The following TENM3 variants were observed in gnomAD, a reference collection of about 807,000 sequenced individuals.
TENM3 encodes teneurin-3.
In TENM3, 63 loss-of-function variants were observed where a neutral mutation model predicts 255.1. That is an observed-to-expected ratio of 0.25 (90% CI 0.20 to 0.30). TENM3 has a LOEUF of 0.30. Among genes scored for constraint, TENM3 ranks in the 10% least tolerant of loss-of-function variants. The pLI is 1.00. For synonymous variants in TENM3, 1,306 were observed against 1,322.3 expected (o/e 0.99, Z 0.27); for missense variants, 2,929 against 3,461.1 (o/e 0.85, Z 3.86).
the TENM3 span, among the ~76,000 whole-genome samples, chr4:182,104,134 A>G: frequency 6.6e-6 from 1 of 152,116 alleles, no homozygotes; most frequent in Non-Finnish European, 1.5e-5. Context: ...ACCAATTTCA[A>G]CCTGCCAAGG....
intron 5 of TENM3, among the ~76,000 whole-genome samples, chr4:182,648,700 C>G (rs1752981560): frequency 6.6e-6 from 1 of 152,196 alleles, no homozygotes; most frequent in Admixed American, 6.5e-5. Flanking sequence ...CCAGAAACCT[C>G]TAGGGACTAT....
the TENM3 span, among the ~76,000 whole-genome samples, chr4:181,690,066 A>G: frequency 4.3e-4 from 65 of 152,280 alleles, no homozygotes. Flanking sequence ...TGTGATTCCC[A>G]GGCACCCAAT....
In TENM3 at chr4:182,346,798, C is replaced by T; in HGVS notation, c.380C>T (p.Ser127Phe). 1 of 1,613,466 alleles carries T rather than the reference C, an allele frequency of 6.2e-7. No homozygotes were observed. The highest frequency in any genetic ancestry group is 8.5e-7 in the Non-Finnish European group (1 of 1,179,692). The stretch of plus-strand genomic sequence containing the variant: ...GATACTGAAAATGAAGCAGTGATGT[C>T]CCCAGAGCATGCCATGAGACTTTGG... ...DADTENEAVM[S>F]PEHAMRLWGR... The change falls in exon 3 of 28, where the codon TCC (serine) becomes TTC (phenylalanine). Residue 127 changes from serine to phenylalanine, a missense_variant. Physicochemically the swap from Ser to Phe is radical, Grantham distance 155 (BLOSUM62 -2). This residue lies in a region of TENM3 where 283 missense variants were observed against 256.9 expected (regional missense o/e 1.10). Coordinates refer to ENST00000511685, the MANE Select transcript of TENM3 (RefSeq NM_001080477.4).
At chr4:182,531,233 G>A (rs994594214) in intron 3 of TENM3, among the ~76,000 whole-genome samples, 1 of 152,132 alleles carries the variant, frequency 6.6e-6, no homozygotes, top group Non-Finnish European at 1.5e-5. Context: ...TGCTAACACT[G>A]TTTTGTTATA....
At chr4:182,277,279 T>G (rs748087698) in intron 1 of TENM3, among the ~76,000 whole-genome samples, 2 of 152,100 alleles carry the variant, frequency 1.3e-5, no homozygotes, top group Non-Finnish European at 2.9e-5. Flanking sequence ...AGATTTTTCC[T>G]GGGGTGAAAA....
chr4:182,707,979 G>GA (rs917098703), intron 12 of TENM3: 5 of 149,364 alleles, frequency 3.3e-5, no homozygotes, highest in South Asian at 2.1e-4. Context: ...CTACTGGGGG[G>GA]AAAAAACACC....
At chr4:182,318,921 C>A (rs1762895650) in intron 1 of TENM3, among the ~76,000 whole-genome samples, 1 of 152,050 alleles carries the variant, frequency 6.6e-6, no homozygotes, top group Non-Finnish European at 1.5e-5. Flanking sequence ...GCATGTGCCA[C>A]CATGCCCAGC....
the TENM3 span, among the ~76,000 whole-genome samples, chr4:181,735,629 C>G: frequency 1.3e-5 from 2 of 152,096 alleles, no homozygotes; most frequent in Non-Finnish European, 2.9e-5. Context: ...TGACAACCCA[C>G]CCAGACATCT....
At chr4:182,510,391 C>T (rs1204034146) in intron 3 of TENM3, among the ~76,000 whole-genome samples, 1 of 152,160 alleles carries the variant, frequency 6.6e-6, no homozygotes, top group Non-Finnish European at 1.5e-5. Flanking sequence ...TGGTTAGCTC[C>T]TTTACAATGT....
intron 1 of TENM3, among the ~76,000 whole-genome samples, chr4:182,227,455 T>C (rs1005510369): frequency 7.4e-6 from 1 of 134,726 alleles, no homozygotes; most frequent in African/African-American, 2.5e-5. Context: ...AATGGCTGCA[T>C]GGCCATCATT....
At chr4:182,494,144 C>T (rs982002918) in intron 3 of TENM3, among the ~76,000 whole-genome samples, 3 of 151,954 alleles carry the variant, frequency 2.0e-5, no homozygotes, top group Non-Finnish European at 4.4e-5. Flanking sequence ...AACCAAAATC[C>T]TTTTTCTTGA....
At chr4:181,898,788 A>G in the TENM3 span, among the ~76,000 whole-genome samples, 5 of 152,174 alleles carry the variant, frequency 3.3e-5, no homozygotes, top group African/African-American at 1.2e-4. Flanking sequence ...TTCTGCTTGT[A>G]ATAATATTTC....
chr4:182,247,167 G>A (rs1757706637), intron 1 of TENM3, among the ~76,000 whole-genome samples: 1 of 152,198 alleles, frequency 6.6e-6, no homozygotes, highest in African/African-American at 2.4e-5. Flanking sequence ...GGAAAGGGAA[G>A]GCAATGTGTT....
At chr4:182,515,925 A>G (rs1737890924) in intron 3 of TENM3, among the ~76,000 whole-genome samples, 1 of 152,268 alleles carries the variant, frequency 6.6e-6, no homozygotes, top group Admixed American at 6.5e-5. Context: ...GCAGCTCTAT[A>G]ATGACCACAT....
chr4:181,749,448 A>G, the TENM3 span, among the ~76,000 whole-genome samples: 1 of 152,112 alleles, frequency 6.6e-6, no homozygotes, highest in Non-Finnish European at 1.5e-5. Flanking sequence ...TCTTATCACA[A>G]GCAAACACAT....
intron 3 of TENM3, among the ~76,000 whole-genome samples, chr4:182,373,475 G>C (rs115348274): frequency 6.6e-6 from 1 of 152,184 alleles, no homozygotes; most frequent in Non-Finnish European, 1.5e-5. Flanking sequence ...AGGACGGAAG[G>C]GGAGTTGAAG....
the TENM3 span, among the ~76,000 whole-genome samples, chr4:181,971,529 A>G: frequency 6.6e-6 from 1 of 152,126 alleles, no homozygotes; most frequent in African/African-American, 2.4e-5. Context: ...TAAAACAGAA[A>G]GTCCAGGGAT....
At chr4:182,064,240 T>A in the TENM3 span, among the ~76,000 whole-genome samples, 1 of 148,132 alleles carries the variant, frequency 6.8e-6, no homozygotes, top group Admixed American at 6.7e-5. Flanking sequence ...AGAGAAGTCA[T>A]GGAAAATGAA....
chr4:182,379,369 G>C (rs1461438042), intron 3 of TENM3, among the ~76,000 whole-genome samples: 6 of 152,016 alleles, frequency 3.9e-5, no homozygotes, highest in Non-Finnish European at 8.8e-5. Context: ...AAAGAAAAAA[G>C]GGTATTGCAA....
Sources: allele counts gnomAD v4.1 joint callset (sites outside exome capture counted in the v4.1 genomes callset), GRCh38; gene constraint gnomAD v4.1.1; regional missense constraint gnomAD v4.1.1; transcripts MANE v1.5; gene names NCBI Gene and HGNC (gene_info 2026-07-23, HGNC 2026-07-21).